Variants in ADGRL3 observed in about 807,000 individuals in gnomAD.
ADGRL3 encodes calcium-independent alpha-latrotoxin receptor 3.
Under a neutral mutation model 153.5 loss-of-function variants are expected in ADGRL3, and 62 were observed. The observed-to-expected ratio is 0.40, with a 90% CI of 0.33 to 0.50. The LOEUF (loss-of-function observed/expected upper bound fraction) is 0.50, where lower values mean the gene tolerates loss of function less well. ADGRL3 is among the 20% of genes least tolerant of loss of function. The pLI is 0.47. For synonymous variants in ADGRL3, 710 were observed against 672.5 expected (o/e 1.06, Z -0.86); for missense variants, 1,641 against 1,859.4 (o/e 0.88, Z 2.16).
In ADGRL3 at chr4:61,693,623, C is replaced by T. The variant is rs148459792; in HGVS notation, c.583+16688C>T. 2.1e-3 allele frequency among the ~76,000 whole-genome samples: 317 copies of T among 152,220 alleles called. 5 individuals are homozygous for T. The highest frequency in any genetic ancestry group is 7.2e-3 in the African/African-American group (301 of 41,532). On this transcript the variant is annotated intron_variant, in intron 6 of 26. Transcript: ENST00000683033. Reference sequence around the variant, plus strand: ...GTTCATCCAATATCAGTTCTTGTTGCGGATGAGGTATTGATGTTTTGTGAT... The same window carrying T: ...GTTCATCCAATATCAGTTCTTGTTGTGGATGAGGTATTGATGTTTTGTGAT...
intron 9 of ADGRL3, among the ~76,000 whole-genome samples, chr4:61,862,701 T>G (rs2098355371): frequency 6.6e-6 from 1 of 152,124 alleles, no homozygotes; most frequent in Non-Finnish European, 1.5e-5. Flanking sequence ...GGGAACTTGT[T>G]AGAACTCCAG....
chr4:61,722,297 TC>T (rs1474734533), intron 6 of ADGRL3, among the ~76,000 whole-genome samples: 1 of 152,202 alleles, frequency 6.6e-6, no homozygotes, highest in Non-Finnish European at 1.5e-5. Flanking sequence ...CTACCAGAGC[TC>T]TTGAAATCTT....
intron 19 of ADGRL3, among the ~76,000 whole-genome samples, chr4:61,992,613 TC>T (rs1345688834): frequency 4.6e-5 from 7 of 152,190 alleles, no homozygotes; most frequent in African/African-American, 1.7e-4. Context: ...CCAGCAGCCC[TC>T]ATGGAGGGAT....
At chr4:61,676,231 C>T (rs571991996) in intron 5 of ADGRL3, among the ~76,000 whole-genome samples, 10 of 151,894 alleles carry the variant, frequency 6.6e-5, no homozygotes, top group East Asian at 1.9e-4. Flanking sequence ...ACAAAAGGAA[C>T]GTGACAGTTA....
chr4:61,280,272 G>A (rs1482082842), intron 1 of ADGRL3, among the ~76,000 whole-genome samples: 1 of 151,716 alleles, frequency 6.6e-6, no homozygotes, highest in Middle Eastern at 3.4e-3. Context: ...ACCATGCCTG[G>A]CTAATTTTTG....
At chr4:61,546,173 C>A (rs1367530122) in intron 4 of ADGRL3, among the ~76,000 whole-genome samples, 1 of 152,168 alleles carries the variant, frequency 6.6e-6, no homozygotes, top group Non-Finnish European at 1.5e-5. Context: ...TGAGTCATAT[C>A]TCTCTCCGGA....
At chr4:61,939,463 GT>G (rs33980320) in intron 15 of ADGRL3, among the ~76,000 whole-genome samples, 7,752 of 143,686 alleles carry the variant, frequency 0.054, 630 homozygotes, top group African/African-American at 0.18. Context: ...AAATTTGCCA[GT>G]TTTTTTTTTT....
rs768259945 is a variant in ADGRL3 at position 62,037,812 on chromosome 4, A to C, written c.3673A>C (p.Thr1225Pro). The C allele has an allele frequency of 6.2e-7, 1 of 1,613,736 alleles. No homozygotes were observed. Among genetic ancestry groups the C allele is most frequent in the Non-Finnish European group, 8.5e-7 (1 of 1,179,752 alleles). The change falls in exon 24 of 27, where the codon ACA becomes CCA. Residue 1225 changes from threonine (T) to proline (P), a missense_variant. Transcript: ENST00000683033. ...STESSIGSGK[T>P]SGSRTPGRYS... ...AGAGAGTTCCATTGGTTCAGGGAAAACATCTGGTTCTCGAACTCCTGGACG... is the reference window on the plus strand; with the variant it reads ...AGAGAGTTCCATTGGTTCAGGGAAACCATCTGGTTCTCGAACTCCTGGACG...
intron 1 of ADGRL3, among the ~76,000 whole-genome samples, chr4:61,245,974 C>A (rs368616703): frequency 8.6e-5 from 13 of 151,998 alleles, no homozygotes; most frequent in African/African-American, 2.9e-4. Flanking sequence ...GTGAGTCCCC[C>A]CTGCCACAGT....
At chr4:61,498,026 C>G (rs980237177) in intron 3 of ADGRL3, among the ~76,000 whole-genome samples, 1 of 151,898 alleles carries the variant, frequency 6.6e-6, no homozygotes, top group African/African-American at 2.4e-5. Flanking sequence ...TAGTTTCATA[C>G]TTAAAAAAAC....
intron 4 of ADGRL3, among the ~76,000 whole-genome samples, chr4:61,564,240 G>C (rs567699664): frequency 2.6e-5 from 4 of 151,876 alleles, no homozygotes; most frequent in African/African-American, 9.7e-5. Context: ...TTTCGTTTTG[G>C]GGGGCTTTGT....
intron 8 of ADGRL3, among the ~76,000 whole-genome samples, chr4:61,775,242 A>G (rs1388503591): frequency 2.0e-5 from 3 of 151,244 alleles, no homozygotes; most frequent in East Asian, 1.9e-4. Context: ...TTTTTTAACT[A>G]AAAGCTTTCA....
chr4:61,800,244 A>G (rs553492105), intron 8 of ADGRL3, among the ~76,000 whole-genome samples: 161 of 152,320 alleles, frequency 1.1e-3, no homozygotes, highest in African/African-American at 3.7e-3. Context: ...TATATATGGG[A>G]TATATAGATA....
intron 1 of ADGRL3, among the ~76,000 whole-genome samples, chr4:61,245,863 G>A (rs571737137): frequency 6.7e-6 from 1 of 148,482 alleles, no homozygotes; most frequent in South Asian, 2.2e-4. Flanking sequence ...TTTCAGATAG[G>A]GCAATAAAAT....
intron 1 of ADGRL3, among the ~76,000 whole-genome samples, chr4:61,243,326 A>G (rs1755734086): frequency 6.6e-6 from 1 of 152,052 alleles, no homozygotes; most frequent in Non-Finnish European, 1.5e-5. Context: ...GTTAAAACTT[A>G]CCCAGACCAA....
At chr4:61,912,803 T>G in intron 13 of ADGRL3, 46 bp downstream of exon 13, 2 of 1,556,252 alleles carry the variant, frequency 1.3e-6, no homozygotes, top group Non-Finnish European at 1.8e-6. Context: ...TGAATGTCTC[T>G]GTTGTGATGG....
chr4:62,060,370 G>A (rs750300480), intron 25 of ADGRL3, among the ~76,000 whole-genome samples: 3 of 151,944 alleles, frequency 2.0e-5, no homozygotes, highest in Non-Finnish European at 4.4e-5. Context: ...AGGGAAATAC[G>A]GAGAGATGCA....
chr4:61,248,944 A>G lies in ADGRL3; in HGVS notation c.-240+47179A>G, dbSNP rs1758132081. Among the ~76,000 whole-genome samples, 3 of 152,208 alleles carry G rather than the reference A, an allele frequency of 2.0e-5. No homozygotes were observed. The South Asian group carries it at 6.2e-4, about 31-fold the overall frequency. ...TCTTGGATGGTTGTATTCTACGTGC[A>G]CAGCATAAAGCTTGAGTCAACTAAC... On this transcript the variant is annotated intron_variant, in intron 1 of 26. Transcript: ENST00000683033.
intron 9 of ADGRL3, among the ~76,000 whole-genome samples, chr4:61,874,878 G>A (rs1581248669): frequency 2.4e-5 from 3 of 124,680 alleles, no homozygotes; most frequent in South Asian, 5.4e-4. Flanking sequence ...GCGCAATCTC[G>A]GCTCACTGCA....
Sources: gnomAD v4.1 joint callset for allele counts (sites outside exome capture counted in the v4.1 genomes callset) on GRCh38, gnomAD v4.1.1 for gene constraint, MANE v1.5 for transcripts, NCBI Gene and HGNC (gene_info 2026-07-23, HGNC 2026-07-21) for gene names.